The following APLF variants were observed in gnomAD, a reference collection of about 807,000 sequenced individuals.
The protein encoded by APLF is aprataxin and PNK-like factor.
APLF carries 61 observed loss-of-function variants against 55.6 expected under a neutral mutation model. That is an observed-to-expected ratio of 1.10 (90% CI 0.89 to 1.36). The LOEUF (loss-of-function observed/expected upper bound fraction) is 1.36. APLF is among the 40% of genes most tolerant of loss of function. The pLI, the probability that APLF is intolerant of heterozygous loss-of-function variation, is 0.00. For synonymous variants in APLF, 207 were observed against 214.8 expected, an observed-to-expected ratio of 0.96 and a Z score of 0.32; for missense variants, 611 against 602.5, an observed-to-expected ratio of 1.01 and a Z score of -0.15.
chr2:68,519,200 T>C (rs191925038), intron 5 of APLF, among the ~76,000 whole-genome samples: 2 of 139,230 alleles, frequency 1.4e-5, no homozygotes, highest in African/African-American at 2.6e-5. Context: ...TTATAATATA[T>C]AAATATATAT....
chr2:68,486,152 G>A (rs1438395177), intron 1 of APLF, among the ~76,000 whole-genome samples: 3 of 151,940 alleles, frequency 2.0e-5, no homozygotes, highest in Non-Finnish European at 4.4e-5. Flanking sequence ...CAATTTTTGA[G>A]CATTTCTTTG....
chr2:68,484,839 A>T lies in APLF; in HGVS notation c.97-5351A>T, dbSNP rs184989988. ...TGGCAAAATCCCATCTCTAAAAAAA[A>T]AAATAAATACAACAATTGTTAGAGG... On this transcript the variant is annotated intron_variant, in intron 1 of 9. Coordinates refer to ENST00000303795, the MANE Select transcript of APLF (RefSeq NM_173545.3). 2.8e-3 allele frequency among the ~76,000 whole-genome samples: 420 copies of T among 152,258 alleles called. 1 individual carries two copies. Among genetic ancestry groups the T allele is most frequent in the Non-Finnish European group, 3.9e-3 (267 of 68,022 alleles).
chr2:68,553,599 T>G (rs1670924960), intron 8 of APLF, among the ~76,000 whole-genome samples: 1 of 151,990 alleles, frequency 6.6e-6, no homozygotes, highest in Non-Finnish European at 1.5e-5. Context: ...CATGCTAGGT[T>G]TTTCCTGTAG....
chr2:68,530,813 T>A (rs1265542108), intron 6 of APLF, among the ~76,000 whole-genome samples: 1 of 152,146 alleles, frequency 6.6e-6, no homozygotes, highest in Admixed American at 6.5e-5. Context: ...TTGGCCACTC[T>A]ACATCTTGTT....
Position 68,580,076 on chromosome 2 carries a change from C to T in APLF, c.*2054C>T, listed in dbSNP as rs1419911389. On this transcript the variant is annotated 3_prime_UTR_variant, in exon 10 of 10. Coordinates refer to ENST00000303795, the MANE Select transcript of APLF (RefSeq NM_173545.3). ...AATAGTTCATGGTAGCTGCTTTTAA[C>T]GATACAGTTTTAATGCAACTTTCAT... is the stretch of plus-strand genomic sequence containing the variant. 2.8e-5 allele frequency: 26 copies of T among 939,986 alleles called. No individual in the cohort carries two copies. The highest frequency in any genetic ancestry group is 5.3e-5 in the African/African-American group (3 of 56,294). 58.2% of individuals were successfully genotyped at this position (939,986 alleles called of 1,614,324 possible). A position where few individuals can be genotyped will look rare whatever the true frequency, so the allele number is the denominator to read the frequency against.
chr2:68,495,733 C>T (rs1270828490), intron 2 of APLF, among the ~76,000 whole-genome samples: 1 of 152,246 alleles, frequency 6.6e-6, no homozygotes, highest in Non-Finnish European at 1.5e-5. Context: ...CCTGGATACC[C>T]AGGCTTTTCC....
chr2:68,482,804 G>T (rs1417721665), intron 1 of APLF, among the ~76,000 whole-genome samples: 5 of 152,130 alleles, frequency 3.3e-5, no homozygotes, highest in South Asian at 2.1e-4. Flanking sequence ...GGCCAGTTTG[G>T]TGGCATGCCC....
Position 68,537,923 on chromosome 2 carries a change from A to C in APLF, c.856A>C (p.Asn286His). The change falls in exon 7 of 10, where the codon AAT (asparagine) becomes CAT (histidine). Residue 286 changes from asparagine to histidine, a missense_variant. Asn to His is a moderately conservative substitution (Grantham distance 68). Transcript: ENST00000303795. ...AITLSNTEMN[N>H]IKTNAQRNKL... ...CACATTAAGTAACACAGAGATGAAT[A>C]ATATTAAGACTAATGCACAGAGAAA... The C allele has an allele frequency of 6.2e-7, 1 of 1,609,396 alleles. No individual in the cohort carries two copies. Among genetic ancestry groups the C allele is most frequent in the Non-Finnish European group, 8.5e-7 (1 of 1,178,618 alleles).
At chr2:68,572,223 A>G (rs1158448997) in intron 9 of APLF, among the ~76,000 whole-genome samples, 2 of 152,158 alleles carry the variant, frequency 1.3e-5, no homozygotes, top group Admixed American at 6.6e-5. Flanking sequence ...TGAACTTTAT[A>G]TATAATAAAG....
chr2:68,513,862 T>C (rs1669490540), intron 5 of APLF, among the ~76,000 whole-genome samples, 182 bp downstream of exon 5: 1 of 151,810 alleles, frequency 6.6e-6, no homozygotes, highest in Admixed American at 6.6e-5. Flanking sequence ...TATTACTTTA[T>C]GCCATTTATC....
chr2:68,496,695 A>G lies in APLF; in HGVS notation c.169-6036A>G, dbSNP rs142143699. Among the ~76,000 whole-genome samples the G allele has an allele frequency of 3.4e-3, 517 of 152,220 alleles. 4 individuals carry two copies. The highest frequency in any genetic ancestry group is 0.012 in the African/African-American group (503 of 41,524). ...CCTAAATCATCATTCTTTAGGTCAG[A>G]CTTCCATAGATCCCTAGGGTGTGAA... On this transcript the variant is annotated intron_variant, in intron 2 of 9. Coordinates refer to ENST00000303795, the MANE Select transcript of APLF (RefSeq NM_173545.3).
chr2:68,543,565 A>G (rs1274842548), intron 7 of APLF, among the ~76,000 whole-genome samples: 1 of 152,208 alleles, frequency 6.6e-6, no homozygotes, highest in Non-Finnish European at 1.5e-5. Flanking sequence ...CTGAGCATAT[A>G]CATACCCTGT....
intron 1 of APLF, among the ~76,000 whole-genome samples, chr2:68,481,817 T>G (rs1455032984): frequency 2.0e-5 from 3 of 152,084 alleles, no homozygotes; most frequent in Non-Finnish European, 4.4e-5. Context: ...TTTCTTTTCT[T>G]TGGGTTATTT....
rs568477701 is a variant in APLF, at chr2:68,518,711, CAAT to C, written c.622+5036_622+5038del. ...ATATCATTAATATATCATGAATATACAATAATATATCATTAATATATCATGAAT... is the reference window on the plus strand; with the variant it reads ...ATATCATTAATATATCATGAATATACAATATATCATTAATATATCATGAAT... On this transcript the variant is annotated intron_variant, in intron 5 of 9. Transcript: ENST00000303795. Among the ~76,000 whole-genome samples the C allele has an allele frequency of 3.4e-3, 387 of 112,890 alleles. 6 individuals are homozygous for C. Among genetic ancestry groups the C allele is most frequent in the African/African-American group, 0.014 (365 of 25,974 alleles). 74.1% of individuals were successfully genotyped at this position (112,890 alleles called of 152,430 possible).
At chr2:68,517,160 A>C (rs1182450127) in intron 5 of APLF, among the ~76,000 whole-genome samples, 1 of 124,786 alleles carries the variant, frequency 8.0e-6, no homozygotes, top group Non-Finnish European at 1.6e-5. Context: ...ATTGATATAT[A>C]ATATATCAAT....
At chr2:68,534,104 T>C (rs970353281) in intron 6 of APLF, among the ~76,000 whole-genome samples, 5 of 152,220 alleles carry the variant, frequency 3.3e-5, no homozygotes, top group African/African-American at 7.2e-5. Context: ...TTGTAGGACT[T>C]CTTGCTTGGA....
chr2:68,497,200 A>T (rs1485508228), intron 2 of APLF, among the ~76,000 whole-genome samples: 1 of 152,138 alleles, frequency 6.6e-6, no homozygotes, highest in Non-Finnish European at 1.5e-5. Flanking sequence ...ATCATGGAAA[A>T]AGGCAAAAGG....
At chr2:68,510,981 CAG>C (rs202122363) in intron 3 of APLF, among the ~76,000 whole-genome samples, 2,263 of 151,796 alleles carry the variant, frequency 0.015, 32 homozygotes, top group South Asian at 0.027. Flanking sequence ...TCTTTGGAGA[CAG>C]AAGGTAGATT....
At chr2:68,517,429 A>C (rs1350811118) in intron 5 of APLF, among the ~76,000 whole-genome samples, 1 of 131,704 alleles carries the variant, frequency 7.6e-6, no homozygotes, top group Non-Finnish European at 1.5e-5. Context: ...CTATATATTA[A>C]TATATCTATA....
Sources: allele counts gnomAD v4.1 joint callset (sites outside exome capture counted in the v4.1 genomes callset), GRCh38; gene constraint gnomAD v4.1.1; transcripts MANE v1.5; gene names NCBI Gene and HGNC (gene_info 2026-07-23, HGNC 2026-07-21).